Variants in NRG3 observed in about 807,000 individuals in gnomAD.
The protein encoded by NRG3 is pro-neuregulin-3, membrane-bound isoform.
In NRG3, 31 loss-of-function variants were observed where a neutral mutation model predicts 66.9. The observed-to-expected ratio is 0.46, with a 90% CI of 0.35 to 0.63. The LOEUF (loss-of-function observed/expected upper bound fraction) is 0.63, where lower values mean the gene tolerates loss of function less well. Ranked by LOEUF, NRG3 falls within the 20% of genes least tolerant of loss-of-function variation. The pLI is 0.00. For synonymous variants in NRG3, 393 were observed against 359.4 expected, an observed-to-expected ratio of 1.09 and a Z score of -1.06; for missense variants, 910 against 878.9, an observed-to-expected ratio of 1.04 and a Z score of -0.45.
chr10:82,758,155 T>G (rs1322015346), intron 3 of NRG3, among the ~76,000 whole-genome samples: 1 of 152,106 alleles, frequency 6.6e-6, no homozygotes, highest in African/African-American at 2.4e-5. Context: ...CTGCTTTTAT[T>G]GTGTCATTTG....
chr10:82,526,263 C>T (rs1446004973), intron 2 of NRG3, among the ~76,000 whole-genome samples: 1 of 150,954 alleles, frequency 6.6e-6, no homozygotes, highest in East Asian at 1.9e-4. Context: ...CTTAAATATA[C>T]ACAATAAAAT....
chr10:82,119,302 T>A (rs1254887251), intron 1 of NRG3, among the ~76,000 whole-genome samples: 1 of 152,068 alleles, frequency 6.6e-6, no homozygotes, highest in African/African-American at 2.4e-5. Flanking sequence ...TGAGGTTGAG[T>A]TTGGTTCTTG....
intron 2 of NRG3, among the ~76,000 whole-genome samples, chr10:82,581,106 C>T (rs189245627): frequency 3.2e-4 from 49 of 151,948 alleles, no homozygotes; most frequent in African/African-American, 1.2e-3. Context: ...GCTTGCCAGC[C>T]TTTGTTGTCT....
intron 1 of NRG3, among the ~76,000 whole-genome samples, chr10:82,061,856 C>CTCTCTCTG (rs1240333327): frequency 6.7e-6 from 1 of 149,112 alleles, no homozygotes; most frequent in Admixed American, 6.6e-5. Flanking sequence ...CTCTCTCTCT[C>CTCTCTCTG]TCTCTCACAC....
intron 1 of NRG3, among the ~76,000 whole-genome samples, chr10:82,301,706 A>G (rs1589647989): frequency 1.4e-5 from 2 of 147,900 alleles, no homozygotes. Context: ...ATATATATAT[A>G]TGTAAATAGT....
At chr10:81,944,671 A>T (rs534254134) in intron 1 of NRG3, among the ~76,000 whole-genome samples, 6 of 152,132 alleles carry the variant, frequency 3.9e-5, no homozygotes, top group Non-Finnish European at 8.8e-5. Context: ...GATGCAATTC[A>T]TGCTGAACCT....
At chr10:82,177,059 T>C (rs929065344) in intron 1 of NRG3, among the ~76,000 whole-genome samples, 4 of 151,990 alleles carry the variant, frequency 2.6e-5, no homozygotes, top group Non-Finnish European at 5.9e-5. Context: ...GTAATAATGA[T>C]AATATTATCT....
At chr10:82,132,549 C>CATATATATATGATATA (rs1554831283) in intron 1 of NRG3, among the ~76,000 whole-genome samples, 5 of 16,372 alleles carry the variant, frequency 3.1e-4, no homozygotes, top group East Asian at 1.3e-3. Flanking sequence ...ATATATATAT[C>CATATATATATGATATA]TTTGTCTGGT....
chr10:82,874,086 T>G (rs981491371), intron 4 of NRG3, among the ~76,000 whole-genome samples: 1 of 152,080 alleles, frequency 6.6e-6, no homozygotes, highest in Non-Finnish European at 1.5e-5. Flanking sequence ...TAAATTATAT[T>G]TATAGGTTTA....
At chr10:82,789,651 T>C (rs1457733389) in intron 3 of NRG3, among the ~76,000 whole-genome samples, 2 of 152,096 alleles carry the variant, frequency 1.3e-5, no homozygotes, top group Non-Finnish European at 2.9e-5. Context: ...ATCTGCCTTT[T>C]ATTGGAATGT....
intron 1 of NRG3, among the ~76,000 whole-genome samples, chr10:82,164,521 C>G (rs2071880730): frequency 6.6e-6 from 1 of 152,044 alleles, no homozygotes; most frequent in Non-Finnish European, 1.5e-5. Context: ...GAACCACTGC[C>G]CTTTACACAC....
At chr10:82,572,282 C>G (rs1363181003) in intron 2 of NRG3, among the ~76,000 whole-genome samples, 1 of 151,388 alleles carries the variant, frequency 6.6e-6, no homozygotes, top group Non-Finnish European at 1.5e-5. Context: ...ATTCTGCTAT[C>G]AGGAAGTTCT....
At chr10:82,896,384 T>G (rs1413338027) in intron 4 of NRG3, among the ~76,000 whole-genome samples, 1 of 152,210 alleles carries the variant, frequency 6.6e-6, no homozygotes, top group African/African-American at 2.4e-5. Flanking sequence ...GAACTTCTTC[T>G]GGAGATGGCT....
intron 2 of NRG3, among the ~76,000 whole-genome samples, chr10:82,528,146 T>C (rs1354671917): frequency 6.6e-6 from 1 of 152,142 alleles, no homozygotes; most frequent in East Asian, 1.9e-4. Flanking sequence ...GACCTACAGC[T>C]ATGGGCAAAA....
At chr10:82,776,984 T>C (rs1002715104) in intron 3 of NRG3, among the ~76,000 whole-genome samples, 3 of 152,188 alleles carry the variant, frequency 2.0e-5, no homozygotes, top group African/African-American at 7.2e-5. Flanking sequence ...GTTCCCTTGC[T>C]TTTTCATGTT....
At position 81,915,929 on chromosome 10, in the gene NRG3, AAATAT is replaced by A. The variant is rs531435727; in HGVS notation, c.823+39774_823+39778del. ...CTTGGTCAAGATGAGAGATACATAG[AAATAT>A]AATATAAGCCCCATCTGTAACCATA... On this transcript the variant is annotated intron_variant, in intron 1 of 8. Coordinates refer to ENST00000372141, the MANE Select transcript of NRG3 (RefSeq NM_001010848.4). Among the ~76,000 whole-genome samples the A allele has an allele frequency of 3.3e-5, 5 of 152,314 alleles. No individual in the cohort carries two copies. In the South Asian group the frequency reaches 6.2e-4, roughly 19 times the overall value.
intron 1 of NRG3, among the ~76,000 whole-genome samples, chr10:82,243,504 AAAT>A (rs1406619205): frequency 6.6e-6 from 1 of 152,152 alleles, no homozygotes; most frequent in African/African-American, 2.4e-5. Context: ...TTAAAGAAAA[AAAT>A]TTAAGGTCTT....
At chr10:82,118,393 A>C (rs1310926264) in intron 1 of NRG3, among the ~76,000 whole-genome samples, 1 of 152,044 alleles carries the variant, frequency 6.6e-6, no homozygotes, top group Non-Finnish European at 1.5e-5. Flanking sequence ...GATCATGTTA[A>C]ATTAGGAATC....
chr10:82,985,190 A>G lies in NRG3; in HGVS notation c.1676A>G (p.Glu559Gly). 2 of 1,614,158 alleles carry G rather than the reference A, an allele frequency of 1.2e-6. No individual in the cohort carries two copies. Among genetic ancestry groups the G allele is most frequent in the Admixed American group, 1.7e-5 (1 of 60,006 alleles). ...RETNPYFNSL[E>G]QKDLVGYSST... ...ACAAACCCCTATTTTAATAGCTTGG[A>G]GCAAAAGGACCTGGTGGGCTATTCA... Residue 559 changes from glutamate (E) to glycine (G), a missense_variant, in exon 9 of 9, where the codon GAG (glutamate) becomes GGG (glycine). Glu to Gly is a moderately conservative substitution (Grantham distance 98). Transcript: ENST00000372141.
Sources: allele counts gnomAD v4.1 joint callset (sites outside exome capture counted in the v4.1 genomes callset), GRCh38; gene constraint gnomAD v4.1.1; transcripts MANE v1.5; gene names NCBI Gene and HGNC (gene_info 2026-07-23, HGNC 2026-07-21).